Variants in KRABD4 observed in about 807,000 individuals in gnomAD.
KRABD4 encodes the protein KRAB domain-containing protein 4.
At chrX:46,452,776 T>G in the KRABD4 span, among the ~76,000 whole-genome samples, 1 of 112,175 alleles carries the variant, frequency 8.9e-6, no homozygotes, top group Non-Finnish European at 1.9e-5. Flanking sequence ...TTCAGAACTG[T>G]CAATTGCCTT....
At chrX:46,459,319 A>G in the KRABD4 span, among the ~76,000 whole-genome samples, 7 of 42,209 alleles carry the variant, frequency 1.7e-4, no homozygotes, top group Non-Finnish European at 2.6e-4. Context: ...CTCAAAAAAA[A>G]AAAAAGAAAA....
At chrX:46,473,034 A>G in the KRABD4 span, 1 of 1,210,800 alleles carries the variant, frequency 8.3e-7, no homozygotes, top group Non-Finnish European at 1.1e-6. Flanking sequence ...CATATTGGAA[A>G]GTATGCTTCC....
chrX:46,458,685 A>G, the KRABD4 span, among the ~76,000 whole-genome samples: 1 of 111,965 alleles, frequency 8.9e-6, no homozygotes, highest in African/African-American at 3.3e-5. Context: ...TTGCATTGAT[A>G]GGACTCCATC....
chrX:46,451,940 A>C, the KRABD4 span, among the ~76,000 whole-genome samples: 3 of 112,399 alleles, frequency 2.7e-5, no homozygotes, highest in Admixed American at 2.8e-4. Flanking sequence ...AGCAAAAAAA[A>C]GTTTTTTGTG....
the KRABD4 span, chrX:46,463,242 G>A: frequency 8.2e-7 from 1 of 1,212,221 alleles, no homozygotes; most frequent in East Asian, 3.0e-5. Context: ...GTTGGGACCA[G>A]GTGAAGAGTC....
At chrX:46,467,254 A>G in the KRABD4 span, among the ~76,000 whole-genome samples, 1 of 111,856 alleles carries the variant, frequency 8.9e-6, no homozygotes. Flanking sequence ...GCATATGTTT[A>G]ACTTTATAAG....
the KRABD4 span, chrX:46,474,019 T>C: frequency 1.8e-5 from 2 of 112,600 alleles, no homozygotes; most frequent in Non-Finnish European, 3.7e-5. Context: ...GTCCCTTAGC[T>C]GTCTCAGTTG....
chrX:46,455,321 C>G, the KRABD4 span: 2 of 571,584 alleles, frequency 3.5e-6, no homozygotes, highest in East Asian at 7.7e-5. Flanking sequence ...TTTCTGCAAT[C>G]ACTGTCAATA....
the KRABD4 span, among the ~76,000 whole-genome samples, chrX:46,468,090 A>G: frequency 8.9e-6 from 1 of 111,844 alleles, no homozygotes; most frequent in East Asian, 2.8e-4. Flanking sequence ...ACTGTTAATG[A>G]CTTAATTTTT....
At chrX:46,455,568 A>C in the KRABD4 span, 2 of 435,152 alleles carry the variant, frequency 4.6e-6, no homozygotes, top group Middle Eastern at 7.5e-4. Flanking sequence ...AATCAACTTT[A>C]ATTTCTGTTC....
At chrX:46,459,890 C>T in the KRABD4 span, among the ~76,000 whole-genome samples, 5 of 111,882 alleles carry the variant, frequency 4.5e-5, no homozygotes, top group African/African-American at 1.3e-4. Context: ...GACACCAGCT[C>T]GGTGTGCTGT....
At chrX:46,469,524 T>A in the KRABD4 span, among the ~76,000 whole-genome samples, 1 of 112,295 alleles carries the variant, frequency 8.9e-6, no homozygotes, top group South Asian at 3.6e-4. Context: ...AGAAGTGTAA[T>A]TGATCTTTCC....
the KRABD4 span, chrX:46,462,971 G>C: frequency 1.3e-4 from 153 of 1,143,721 alleles, no homozygotes; most frequent in Non-Finnish European, 1.3e-4. Flanking sequence ...AATGAGTGTG[G>C]GTTACCACCC....
chrX:46,463,596 CCACCA>C, the KRABD4 span: 2 of 399,742 alleles, frequency 5.0e-6, no homozygotes, highest in Non-Finnish European at 8.8e-6. Flanking sequence ...CATTCCTCTC[CCACCA>C]CCTTTCTGGA....
chrX:46,473,968 T>C, the KRABD4 span: 1 of 118,326 alleles, frequency 8.5e-6, no homozygotes, highest in African/African-American at 3.3e-5. Flanking sequence ...CATCCTTTTG[T>C]CCAGTATTAT....
the KRABD4 span, chrX:46,471,047 C>T: frequency 1.0e-6 from 1 of 988,587 alleles, no homozygotes; most frequent in Admixed American, 2.9e-5. Context: ...TTATCTATAT[C>T]CTTGCTGGTT....
the KRABD4 span, among the ~76,000 whole-genome samples, chrX:46,451,773 A>C: frequency 5.3e-5 from 6 of 112,280 alleles, no homozygotes; most frequent in Non-Finnish European, 1.1e-4. Context: ...AATTTGAGGA[A>C]GATACTACAA....
At chrX:46,465,636 C>A in the KRABD4 span, among the ~76,000 whole-genome samples, 1 of 111,855 alleles carries the variant, frequency 8.9e-6, no homozygotes, top group Admixed American at 9.5e-5. Flanking sequence ...TGGTTGTTAA[C>A]CAGAGATGTA....
the KRABD4 span, among the ~76,000 whole-genome samples, chrX:46,467,192 T>G: frequency 3.4e-3 from 382 of 112,021 alleles, 2 homozygotes; most frequent in African/African-American, 0.012. Context: ...GATCTGTGTT[T>G]TCATATCTCT....
Sources: allele counts gnomAD v4.1 joint callset (sites outside exome capture counted in the v4.1 genomes callset), GRCh38; gene constraint gnomAD v4.1.1; transcripts MANE v1.5; gene names NCBI Gene and HGNC (gene_info 2026-07-23, HGNC 2026-07-21).